The following DOT1L variants were observed in gnomAD, a reference collection of about 807,000 sequenced individuals.
The protein encoded by DOT1L is DOT1 like histone lysine methyltransferase.
In DOT1L, 33 loss-of-function variants were observed where a neutral mutation model predicts 153.3. The ratio of observed to expected loss-of-function variants is 0.22; its 90% confidence interval spans 0.16 to 0.29. The LOEUF is 0.29. DOT1L is among the 10% of genes least tolerant of loss of function. The pLI, the probability that DOT1L is intolerant of heterozygous loss-of-function variation, is 1.00. For synonymous variants in DOT1L, 1,135 were observed against 965.1 expected, an observed-to-expected ratio of 1.18 and a Z score of -3.26; for missense variants, 1,847 against 2,119.9, an observed-to-expected ratio of 0.87 and a Z score of 2.53.
chr19:2,210,498 C>A lies in DOT1L; in HGVS notation c.1104C>A (p.Ala368=). The A allele has an allele frequency of 6.3e-7, 1 of 1,594,396 alleles. No homozygotes were observed. The highest frequency in any genetic ancestry group is 8.5e-7 in the Non-Finnish European group (1 of 1,171,556). ...CAGAGGGCAAGGTGGCCGGCCCCGC[C>A]GACGCCCCCATGGTAAGGCCCCAGC... is the stretch of plus-strand genomic sequence containing the variant. The part of the protein sequence containing the change: ...KGPEGKVAGP[A]DAPMDSGAEE... The change falls in exon 13 of 28, where the codon GCC becomes GCA. Residue 368 remains alanine, a synonymous_variant. Transcript: ENST00000398665.
intron 1 of DOT1L, among the ~76,000 whole-genome samples, chr19:2,166,932 C>T (rs919140805): frequency 1.3e-5 from 2 of 152,226 alleles, no homozygotes. Context: ...TTCTGCCATT[C>T]TCAGAAAGTT....
At chr19:2,178,609 G>C (rs1460717011) in intron 1 of DOT1L, among the ~76,000 whole-genome samples, 1 of 152,016 alleles carries the variant, frequency 6.6e-6, no homozygotes. Flanking sequence ...AGTAGAGATG[G>C]GGTTTCATTG....
In DOT1L at chr19:2,207,153, C is replaced by G. The variant is rs184451601; in HGVS notation, c.856+356C>G. Among the ~76,000 whole-genome samples, 2,275 of 152,326 alleles carry G rather than the reference C, an allele frequency of 0.015. 48 individuals are homozygous for G. The highest frequency in any genetic ancestry group is 0.051 in the African/African-American group (2,108 of 41,558). On this transcript the variant is annotated intron_variant, in intron 10 of 27. Coordinates refer to ENST00000398665, the MANE Select transcript of DOT1L (RefSeq NM_032482.3). This position sits in a 1 kb window ranked among gnomAD's most constrained non-coding sequence, Gnocchi z 4.5. The stretch of plus-strand genomic sequence containing the variant: ...GGAAGGAGCCGGCCCCTCCCATGCC[C>G]CCTGCCTGCCTTACTGTGCTGCGTG...
rs776407870 is a variant in DOT1L, at chr19:2,226,949, C to T, written c.4428C>T (p.Leu1476=). ...GPFPPGPQFA[L]GPMSLQANLG... ...TCCCGCCGGGACCGCAGTTCGCGCT[C>T]GGCCCCATGTCCCTGCAGGCCAACC... Residue 1476 remains leucine (L), a synonymous_variant, in exon 27 of 28, where the codon CTC becomes CTT. Coordinates refer to ENST00000398665, the MANE Select transcript of DOT1L (RefSeq NM_032482.3). 3.0e-5 allele frequency: 47 copies of T among 1,586,616 alleles called. No homozygotes were observed. The highest frequency in any genetic ancestry group is 1.9e-4 in the Admixed American group (11 of 58,550).
intron 9 of DOT1L, 78 bp downstream of exon 9, chr19:2,202,857 C>A: frequency 6.8e-7 from 1 of 1,471,296 alleles, no homozygotes; most frequent in Non-Finnish European, 9.5e-7. Flanking sequence ...CGCAGGGTGT[C>A]CTGCAGAAGG....
chr19:2,171,716 C>T (rs546318676), intron 1 of DOT1L, among the ~76,000 whole-genome samples: 2 of 152,194 alleles, frequency 1.3e-5, no homozygotes, highest in Non-Finnish European at 2.9e-5. Flanking sequence ...GTCCGGCAGG[C>T]CCTGGCCAAG....
At position 2,209,905 on chromosome 19, in the gene DOT1L, C is replaced by T. The variant is rs539175733; in HGVS notation, c.1006-495C>T. Among the ~76,000 whole-genome samples the T allele has an allele frequency of 1.1e-4, 16 of 152,338 alleles. No individual in the cohort carries two copies. In the South Asian group the frequency reaches 2.5e-3, roughly 24 times the overall value. ...TGGGTCTTCCCTGGAGAGCAGGGAA[C>T]GGCCCGAGGTGGCCGGCGCACCCTG... On this transcript the variant is annotated intron_variant, in intron 12 of 27. Coordinates refer to ENST00000398665, the MANE Select transcript of DOT1L (RefSeq NM_032482.3).
In DOT1L at chr19:2,207,674, C is replaced by T. The variant is rs745968503; in HGVS notation, c.957C>T (p.Arg319=). The T allele has an allele frequency of 3.7e-6, 6 of 1,611,316 alleles. No homozygotes were observed. Among genetic ancestry groups the T allele is most frequent in the Non-Finnish European group, 5.1e-6 (6 of 1,179,150 alleles). Residue 319 remains arginine (R), a synonymous_variant, in exon 11 of 28, where the codon CGC becomes CGT. Coordinates refer to ENST00000398665, the MANE Select transcript of DOT1L (RefSeq NM_032482.3). The surrounding 1 kb of genome is among the most constrained non-coding windows in gnomAD (Gnocchi z 4.5). ...CCTACTACCTGCACACTATCGACCG[C>T]ACCATAGTGAGTATCTCGCTGCGCC... ...PVSYYLHTID[R]TILENYFSSL...
chr19:2,224,171 G>A (rs908398101), intron 25 of DOT1L, among the ~76,000 whole-genome samples: 2 of 152,324 alleles, frequency 1.3e-5, no homozygotes, highest in East Asian at 1.9e-4. Context: ...CCATCCATCC[G>A]CCCTCCGTGC....
intron 1 of DOT1L, among the ~76,000 whole-genome samples, chr19:2,169,234 T>C (rs767437857): frequency 6.6e-6 from 1 of 151,810 alleles, no homozygotes; most frequent in Non-Finnish European, 1.5e-5. Context: ...ACTCAGAAGG[T>C]ATTTTCTGCT....
At chr19:2,200,247 C>T (rs1311003952) in intron 8 of DOT1L, among the ~76,000 whole-genome samples, 1 of 152,114 alleles carries the variant, frequency 6.6e-6, no homozygotes, top group African/African-American at 2.4e-5. Context: ...TGGGCCTCCT[C>T]CCCGCTCAGG....
At chr19:2,192,767 G>A (rs192021211) in intron 5 of DOT1L, among the ~76,000 whole-genome samples, 9 of 152,190 alleles carry the variant, frequency 5.9e-5, no homozygotes, top group East Asian at 5.8e-4. Flanking sequence ...TGGGAGGATC[G>A]CTTGAGCCCA....
At chr19:2,169,869 AC>A (rs1156425256) in intron 1 of DOT1L, among the ~76,000 whole-genome samples, 1 of 152,118 alleles carries the variant, frequency 6.6e-6, no homozygotes. Flanking sequence ...AAAAAAACAC[AC>A]GGTTGCCCAG....
Position 2,217,973 on chromosome 19 carries a change from G to A in DOT1L, c.2691+55G>A. 2 of 1,582,542 alleles carry A rather than the reference G, an allele frequency of 1.3e-6. No individual in the cohort carries two copies. Among genetic ancestry groups the A allele is most frequent in the Non-Finnish European group, 1.7e-6 (2 of 1,166,156 alleles). On this transcript the variant is annotated intron_variant, in intron 22 of 27. Transcript: ENST00000398665. The surrounding 1 kb of genome is among the most constrained non-coding windows in gnomAD (Gnocchi z 7.3). ...GGGCCACGTTGAGGCAAAACAGTCT[G>A]GGGTGCTCGAGACCTGGCTCACTTT... is the stretch of plus-strand genomic sequence containing the variant.
chr19:2,208,903 C>A lies in DOT1L; in HGVS notation c.964-32C>A. On this transcript the variant is annotated intron_variant, in intron 11 of 27. Transcript: ENST00000398665. This position sits in a 1 kb window ranked among gnomAD's most constrained non-coding sequence, Gnocchi z 4.4. ...AAATCCGAACAGAGATTGGGACTCCCTTCTAATCAGGGTTCTCTTTCTTCT... is the reference window on the plus strand; with the variant it reads ...AAATCCGAACAGAGATTGGGACTCCATTCTAATCAGGGTTCTCTTTCTTCT... The A allele has an allele frequency of 1.2e-6, 2 of 1,609,086 alleles. No homozygotes were observed. The highest frequency in any genetic ancestry group is 1.7e-6 in the Non-Finnish European group (2 of 1,177,674).
At position 2,225,423 on chromosome 19, in the gene DOT1L, G is replaced by A; in HGVS notation, c.3632G>A (p.Ser1211Asn). The change falls in exon 26 of 28, where the codon AGC becomes AAC. Residue 1211 changes from serine to asparagine, a missense_variant. Coordinates refer to ENST00000398665, the MANE Select transcript of DOT1L (RefSeq NM_032482.3). ...AAAATTGCAACAATCTCCTTAGAAA[G>A]CAAATCTCCCCCGAAAACCTTGGAA... ...ERKIATISLESKSPPKTLENG... is the reference protein window; with the variant it reads ...ERKIATISLENKSPPKTLENG... 6.2e-7 allele frequency: 1 copy of A among 1,614,168 alleles called. No homozygotes were observed. Among genetic ancestry groups the A allele is most frequent in the Non-Finnish European group, 8.5e-7 (1 of 1,180,016 alleles).
In DOT1L at chr19:2,216,671, A is replaced by T. The variant is rs1260022015; in HGVS notation, c.2314A>T (p.Thr772Ser). Residue 772 changes from threonine (T) to serine (S), a missense_variant, in exon 20 of 28, where the codon ACT (threonine) becomes TCT (serine). By Grantham distance (58) the Thr-to-Ser change is moderately conservative. This residue lies in a region of DOT1L where 281 missense variants were observed against 263.6 expected (regional missense o/e 1.07). Coordinates refer to ENST00000398665, the MANE Select transcript of DOT1L (RefSeq NM_032482.3). ...KLSGLAAPDY[T>S]RLSPAKIVLR... Reference sequence around the variant, plus strand: ...GTCTGGCCTAGCCGCACCCGACTACACTAGGCTGTCCCCGGCCAAGATTGT... The same window carrying T: ...GTCTGGCCTAGCCGCACCCGACTACTCTAGGCTGTCCCCGGCCAAGATTGT... The T allele has an allele frequency of 2.5e-6, 4 of 1,604,042 alleles. No individual in the cohort carries two copies. In the East Asian group the frequency reaches 6.7e-5, roughly 27 times the overall value.
chr19:2,214,388 C>A, intron 18 of DOT1L, 83 bp from the exon 19 acceptor site: 1 of 1,557,316 alleles, frequency 6.4e-7, no homozygotes, highest in Non-Finnish European at 8.7e-7. Flanking sequence ...CTGAGGCAGG[C>A]CCAGGGAACC....
In DOT1L at chr19:2,231,863, G is replaced by A. The variant is rs985749172; in HGVS notation, c.*2071G>A. 8 of 220,344 alleles carry A rather than the reference G, an allele frequency of 3.6e-5. No homozygotes were observed. Among genetic ancestry groups the A allele is most frequent in the Non-Finnish European group, 6.4e-5 (7 of 110,014 alleles). The allele number at this position is 220,344 out of a possible 1,614,324, so 13.6% of individuals were successfully genotyped here. ...GCCATGCAGGGCTCCTGCCCACGCA[G>A]GCCACCGTATGTTCAGGACACGCAC... On this transcript the variant is annotated 3_prime_UTR_variant, in exon 28 of 28. Coordinates refer to ENST00000398665, the MANE Select transcript of DOT1L (RefSeq NM_032482.3).
Sources: gnomAD v4.1 joint callset for allele counts (sites outside exome capture counted in the v4.1 genomes callset) on GRCh38, gnomAD v4.1.1 for gene constraint, gnomAD v4.1.1 regional missense constraint, Gnocchi (gnomAD v3.1) non-coding constraint, MANE v1.5 for transcripts, NCBI Gene and HGNC (gene_info 2026-07-23, HGNC 2026-07-21) for gene names.